Variants in FBXL20 observed in about 807,000 individuals in gnomAD.
FBXL20 encodes F-box and leucine rich repeat protein 20, also known as F-box/LRR-repeat protein 20.
FBXL20 carries 11 observed loss-of-function variants against 64.0 expected under a neutral mutation model. That is an observed-to-expected ratio of 0.17 (90% CI 0.11 to 0.28). The LOEUF (loss-of-function observed/expected upper bound fraction) is 0.28, where lower values mean the gene tolerates loss of function less well. FBXL20 is among the 10% of genes least tolerant of loss of function. The pLI is 1.00. For missense variants in FBXL20, 303 were observed against 526.2 expected, an observed-to-expected ratio of 0.58 and a Z score of 4.15; for synonymous variants, 184 against 189.0, an observed-to-expected ratio of 0.97 and a Z score of 0.22.
At position 39,316,844 on chromosome 17, in the gene FBXL20, C is replaced by T. The variant is rs115424070; in HGVS notation, c.105-13205G>A. Among the ~76,000 whole-genome samples the T allele has an allele frequency of 7.1e-3, 1,082 of 152,290 alleles. 15 individuals carry two copies. Among genetic ancestry groups the T allele is most frequent in the African/African-American group, 0.025 (1,029 of 41,562 alleles). ...CTCTACTGAAAATACTAAAAATGAG[C>T]CGGGCATGGTGCTGGGCGCCTGTAA... On this transcript the variant is annotated intron_variant, in intron 2 of 14. Coordinates refer to ENST00000264658, the MANE Select transcript of FBXL20 (RefSeq NM_032875.3).
In FBXL20 at chr17:39,257,937, A is replaced by C. The variant is rs529413983; in HGVS notation, c.*3523T>G. ...TGAAAAGACATTGATGTAGCAAATG[A>C]TGCTGGAAGATGTAAGGTATGAGAT... On this transcript the variant is annotated 3_prime_UTR_variant, in exon 15 of 15. Transcript: ENST00000264658. 3 of 152,964 alleles carry C rather than the reference A, an allele frequency of 2.0e-5. No individual in the cohort carries two copies. The East Asian group carries it at 5.8e-4, about 29-fold the overall frequency. The allele number at this position is 152,964 out of a possible 1,614,324, so 9.5% of individuals were successfully genotyped here.
At chr17:39,349,072 T>C (rs2047661782) in intron 1 of FBXL20, among the ~76,000 whole-genome samples, 1 of 151,776 alleles carries the variant, frequency 6.6e-6, no homozygotes, top group African/African-American at 2.4e-5. Context: ...GCCAACATGA[T>C]GAAACCCCGT....
At chr17:39,319,704 AGAGGGCAGAACTGGGAG>A (rs2047335201) in intron 2 of FBXL20, among the ~76,000 whole-genome samples, 1 of 149,208 alleles carries the variant, frequency 6.7e-6, no homozygotes, top group Non-Finnish European at 1.5e-5. Context: ...AAACTATAGC[AGAGGGCAGAACTGGGAG>A]GAGGTAGTGA....
In FBXL20 at chr17:39,263,975, G is replaced by A. The variant is rs143365887; in HGVS notation, c.1203+200C>T. 380 of 582,878 alleles carry A rather than the reference G, an allele frequency of 6.5e-4. 1 individual carries two copies. The highest frequency in any genetic ancestry group is 5.5e-3 in the African/African-American group (292 of 53,318). The allele number at this position is 582,878 out of a possible 1,614,324, so 36.1% of individuals were successfully genotyped here. A position where few individuals can be genotyped will look rare whatever the true frequency, so the allele number is the denominator to read the frequency against. ...GACCTACTTTTCTTCCCTTCAGTGG[G>A]TCTTTTCCTACTAAATTTCCATCTC... On this transcript the variant is annotated intron_variant, in intron 14 of 14. Coordinates refer to ENST00000264658, the MANE Select transcript of FBXL20 (RefSeq NM_032875.3).
At chr17:39,400,640 G>A (rs892687316) in intron 1 of FBXL20, among the ~76,000 whole-genome samples, 1 of 152,126 alleles carries the variant, frequency 6.6e-6, no homozygotes, top group Non-Finnish European at 1.5e-5. Context: ...ACGCTTTCAA[G>A]ACCGTCCACT....
intron 1 of FBXL20, among the ~76,000 whole-genome samples, chr17:39,354,215 T>C (rs182851452): frequency 9.0e-4 from 137 of 152,300 alleles, no homozygotes; most frequent in African/African-American, 3.1e-3. Flanking sequence ...TTTAATGATA[T>C]ATAGTGAAGT....
chr17:39,318,706 C>T (rs1443640901), intron 2 of FBXL20, among the ~76,000 whole-genome samples: 1 of 152,140 alleles, frequency 6.6e-6, no homozygotes, highest in Non-Finnish European at 1.5e-5. Context: ...TGCCACTGCA[C>T]TCCAGCCTGG....
At chr17:39,359,803 T>C (rs1336693095) in intron 1 of FBXL20, among the ~76,000 whole-genome samples, 1 of 152,208 alleles carries the variant, frequency 6.6e-6, no homozygotes. Flanking sequence ...ATTTCTTCAA[T>C]TCCTATTTTG....
chr17:39,291,404 G>C (rs1175680571), intron 6 of FBXL20, among the ~76,000 whole-genome samples: 1 of 148,600 alleles, frequency 6.7e-6, no homozygotes, highest in Non-Finnish European at 1.5e-5. Context: ...TCTCTAAGCA[G>C]ATTAGATTCT....
At chr17:39,297,902 A>T (rs1484168640) in intron 5 of FBXL20, among the ~76,000 whole-genome samples, 1 of 151,704 alleles carries the variant, frequency 6.6e-6, no homozygotes, top group Non-Finnish European at 1.5e-5. Flanking sequence ...TGCCCAACTA[A>T]GTTTTTGTAT....
chr17:39,265,503 T>C (rs1446615404), intron 12 of FBXL20, 50 bp from the exon 13 acceptor site: 1 of 1,385,906 alleles, frequency 7.2e-7, no homozygotes, highest in Admixed American at 1.7e-5. Context: ...AATAAAATCC[T>C]GAGTCATACC....
chr17:39,277,440 G>A (rs1160038704), intron 9 of FBXL20, among the ~76,000 whole-genome samples: 1 of 152,130 alleles, frequency 6.6e-6, no homozygotes, highest in African/African-American at 2.4e-5. Context: ...AGAAAGATGA[G>A]TTAAGTCATA....
chr17:39,362,621 C>CTT (rs992266016), intron 1 of FBXL20, among the ~76,000 whole-genome samples: 3 of 143,488 alleles, frequency 2.1e-5, no homozygotes, highest in Non-Finnish European at 3.1e-5. Context: ...CCACACCCGG[C>CTT]TTTTTTTTTT....
At chr17:39,399,558 T>C (rs1052350120) in intron 1 of FBXL20, among the ~76,000 whole-genome samples, 2 of 152,206 alleles carry the variant, frequency 1.3e-5, no homozygotes, top group African/African-American at 4.8e-5. Context: ...ATTAAGTGAA[T>C]AGCTTTTAGT....
In FBXL20 at chr17:39,264,027, C is replaced by T. The variant is rs1393451352; in HGVS notation, c.1203+148G>A. Reference sequence around the variant, plus strand: ...GGAGCCAGAGGGAAAAACTATCTGTCCTTAGGTTTGCACTTTTTTCTCTTT... The same window carrying T: ...GGAGCCAGAGGGAAAAACTATCTGTTCTTAGGTTTGCACTTTTTTCTCTTT... On this transcript the variant is annotated intron_variant, in intron 14 of 14. Transcript: ENST00000264658. 4.7e-6 allele frequency: 4 copies of T among 844,172 alleles called. No homozygotes were observed. In the South Asian group the frequency reaches 5.4e-5, roughly 11 times the overall value. 52.3% of individuals were successfully genotyped at this position (844,172 alleles called of 1,614,324 possible).
rs560173713 is a variant in FBXL20 at position 39,377,083 on chromosome 17, T to C, written c.42+24278A>G. Among the ~76,000 whole-genome samples the C allele has an allele frequency of 2.0e-5, 3 of 152,202 alleles. No homozygotes were observed. The South Asian group carries it at 6.2e-4, about 32-fold the overall frequency. On this transcript the variant is annotated intron_variant, in intron 1 of 14. Transcript: ENST00000264658. ...TAGATTGCCTCTGTAGTACTAACATTAGCCACAAGATTAGAAATTATGGTT... is the reference window on the plus strand; with the variant it reads ...TAGATTGCCTCTGTAGTACTAACATCAGCCACAAGATTAGAAATTATGGTT...
intron 2 of FBXL20, among the ~76,000 whole-genome samples, chr17:39,317,944 G>A (rs941533687): frequency 3.1e-4 from 46 of 149,948 alleles, no homozygotes; most frequent in Admixed American, 2.8e-3. Flanking sequence ...CTAGTGATCC[G>A]CCCTCCTCGC....
chr17:39,280,838 C>T (rs560463408), intron 9 of FBXL20, among the ~76,000 whole-genome samples: 2 of 152,218 alleles, frequency 1.3e-5, no homozygotes, highest in African/African-American at 4.8e-5. Flanking sequence ...GATTTCAGCT[C>T]ACTGCACCTC....
chr17:39,332,197 T>C (rs543902438), intron 2 of FBXL20, among the ~76,000 whole-genome samples: 1 of 152,328 alleles, frequency 6.6e-6, no homozygotes, highest in South Asian at 2.1e-4. Flanking sequence ...ACAAGAAATA[T>C]AAAACATTGT....
Sources: allele counts gnomAD v4.1 joint callset (sites outside exome capture counted in the v4.1 genomes callset), GRCh38; gene constraint gnomAD v4.1.1; transcripts MANE v1.5; gene names NCBI Gene and HGNC (gene_info 2026-07-23, HGNC 2026-07-21).